Variants in DUSP11 observed in about 807,000 individuals in gnomAD.
The protein encoded by DUSP11 is RNA/RNP complex-1-interacting phosphatase.
In DUSP11, 27 loss-of-function variants were observed where a neutral mutation model predicts 41.4. The observed-to-expected ratio is 0.65, with a 90% CI of 0.48 to 0.90. The LOEUF (loss-of-function observed/expected upper bound fraction) is 0.90. DUSP11 is among the 40% of genes least tolerant of loss of function. The pLI, the probability that DUSP11 is intolerant of heterozygous loss-of-function variation, is 0.00. For missense variants in DUSP11, 465 were observed against 461.1 expected, an observed-to-expected ratio of 1.01 and a Z score of -0.08; for synonymous variants, 188 against 159.3, an observed-to-expected ratio of 1.18 and a Z score of -1.35.
At chr2:73,778,932 G>C (rs1025129335) in intron 1 of DUSP11, among the ~76,000 whole-genome samples, 2 of 152,092 alleles carry the variant, frequency 1.3e-5, no homozygotes, top group Non-Finnish European at 2.9e-5. Context: ...TGGATCACCT[G>C]AGGTCAGGAG....
At chr2:73,776,157 G>A (rs1011459353) in intron 2 of DUSP11, among the ~76,000 whole-genome samples, 1 of 151,974 alleles carries the variant, frequency 6.6e-6, no homozygotes, top group Admixed American at 6.6e-5. Flanking sequence ...GCTCAAGCCT[G>A]TAATCCCAGC....
At chr2:73,772,898 C>T (rs1001136964) in intron 4 of DUSP11, among the ~76,000 whole-genome samples, 1 of 152,220 alleles carries the variant, frequency 6.6e-6, no homozygotes. Context: ...ACTACTCCAT[C>T]ACATTTTTTA....
At chr2:73,768,470 T>C (rs1463245686) in intron 5 of DUSP11, 3 of 985,330 alleles carry the variant, frequency 3.0e-6, no homozygotes, top group South Asian at 9.4e-5. Flanking sequence ...TGTGGCAACA[T>C]CCATAAAAAG....
intron 3 of DUSP11, among the ~76,000 whole-genome samples, chr2:73,774,550 TC>T (rs1351221140): frequency 6.6e-6 from 1 of 152,220 alleles, no homozygotes; most frequent in Non-Finnish European, 1.5e-5. Context: ...TTCCCTTTTC[TC>T]CCCACCTCAT....
At chr2:73,773,145 G>C (rs1210679276) in intron 4 of DUSP11, 1 of 152,236 alleles carries the variant, frequency 6.6e-6, no homozygotes, top group Non-Finnish European at 1.5e-5. Context: ...AAAAGAGTAA[G>C]GTAAATCTTA....
At chr2:73,764,189 T>C (rs1315257189) in intron 8 of DUSP11, among the ~76,000 whole-genome samples, 4 of 152,244 alleles carry the variant, frequency 2.6e-5, no homozygotes, top group African/African-American at 7.2e-5. Context: ...TTATGGCTCT[T>C]GAAATTGTGC....
At chr2:73,769,168 T>A in intron 5 of DUSP11, 97 bp downstream of exon 5, 1 of 999,120 alleles carries the variant, frequency 1.0e-6, no homozygotes, top group Non-Finnish European at 1.5e-6. Context: ...CTACTTCATG[T>A]ATTTCTATAC....
In DUSP11 at chr2:73,774,893, C is replaced by T; in HGVS notation, c.450+20G>A. ...GGATCAGAAGGAAGAAAGTTCTTTT[C>T]ATTGAAGGGTTCCACTTACCTCTGG... On this transcript the variant is annotated intron_variant, in intron 3 of 8. Coordinates refer to ENST00000272444, the Ensembl canonical transcript of DUSP11. The T allele has an allele frequency of 6.7e-7, 1 of 1,502,904 alleles. No homozygotes were observed. The highest frequency in any genetic ancestry group is 1.4e-5 in the South Asian group (1 of 72,608). The allele number at this position is 1,502,904 out of a possible 1,614,324, so 93.1% of individuals were successfully genotyped here.
At chr2:73,779,824 C>G in intron 1 of DUSP11, 50 bp downstream of exon 1, 1 of 1,608,324 alleles carries the variant, frequency 6.2e-7, no homozygotes, top group Non-Finnish European at 8.5e-7. Flanking sequence ...AAGCCCAGAC[C>G]CAGAAGCCAC....
chr2:73,778,267 T>C (rs1447751905), intron 2 of DUSP11, 34 bp downstream of exon 2: 1 of 1,461,046 alleles, frequency 6.8e-7, no homozygotes, highest in Admixed American at 2.0e-5. Context: ...TGAACTCAGA[T>C]GCCTGAAAGA....
chr2:73,771,634 C>T (rs1434473815), intron 4 of DUSP11, among the ~76,000 whole-genome samples: 1 of 149,932 alleles, frequency 6.7e-6, no homozygotes, highest in Non-Finnish European at 1.5e-5. Flanking sequence ...GCTGGGACTA[C>T]AGGCGCCCGC....
intron 2 of DUSP11, among the ~76,000 whole-genome samples, chr2:73,776,772 T>C (rs1485995560): frequency 6.6e-6 from 1 of 152,256 alleles, no homozygotes; most frequent in Non-Finnish European, 1.5e-5. Flanking sequence ...AATTATTTAT[T>C]AGATGTAACC....
At chr2:73,778,276 G>T (rs139537978) in intron 2 of DUSP11, 25 bp downstream of exon 2, 2 of 1,535,152 alleles carry the variant, frequency 1.3e-6, no homozygotes, top group African/African-American at 1.4e-5. Context: ...ATGCCTGAAA[G>T]AATACTGAAT....
At chr2:73,770,667 T>C (rs1672557115) in intron 4 of DUSP11, among the ~76,000 whole-genome samples, 1 of 152,184 alleles carries the variant, frequency 6.6e-6, no homozygotes, top group African/African-American at 2.4e-5. Flanking sequence ...TGTTTTTGCT[T>C]AAAAATCTCA....
intron 2 of DUSP11, among the ~76,000 whole-genome samples, chr2:73,777,215 G>A (rs956243516): frequency 1.3e-5 from 2 of 152,220 alleles, no homozygotes; most frequent in Non-Finnish European, 2.9e-5. Context: ...CTGGACTCAA[G>A]CGATACACCC....
intron 1 of DUSP11, among the ~76,000 whole-genome samples, chr2:73,779,104 T>C (rs558135138): frequency 5.9e-4 from 90 of 152,288 alleles, no homozygotes; most frequent in Middle Eastern, 6.8e-3. Flanking sequence ...TGAGCCGAGA[T>C]TGGACCATTG....
intron 1 of DUSP11, 106 bp downstream of exon 1, chr2:73,779,768 T>C: frequency 6.5e-7 from 1 of 1,536,024 alleles, no homozygotes; most frequent in South Asian, 1.2e-5. Flanking sequence ...GGCGGACAAG[T>C]CAAGCTTGCG....
intron 5 of DUSP11, 51 bp downstream of exon 5, chr2:73,769,214 A>C (rs1296166534): frequency 6.6e-7 from 1 of 1,508,346 alleles, no homozygotes; most frequent in Non-Finnish European, 9.2e-7. Context: ...TTACCATTGT[A>C]AACAGACAAA....
At chr2:73,779,113 T>C (rs972365638) in intron 1 of DUSP11, among the ~76,000 whole-genome samples, 2 of 152,120 alleles carry the variant, frequency 1.3e-5, no homozygotes, top group Admixed American at 1.3e-4. Flanking sequence ...ATTGGACCAT[T>C]GCACTCCAGC....
Sources: gnomAD v4.1 joint callset for allele counts (sites outside exome capture counted in the v4.1 genomes callset) on GRCh38, gnomAD v4.1.1 for gene constraint, MANE v1.5 for transcripts, NCBI Gene and HGNC (gene_info 2026-07-23, HGNC 2026-07-21) for gene names.